The following AKAP19 variants were observed in gnomAD, a reference collection of about 807,000 sequenced individuals.
AKAP19 encodes the protein A-kinase anchoring protein 19, also known as small A-kinase anchoring protein.
the AKAP19 span, among the ~76,000 whole-genome samples, chr2:190,035,064 G>A: frequency 6.6e-6 from 1 of 151,868 alleles, no homozygotes; most frequent in Admixed American, 6.6e-5. Flanking sequence ...GGTTTATTGA[G>A]GTCTCATTTA....
the AKAP19 span, among the ~76,000 whole-genome samples, chr2:190,061,762 G>C: frequency 6.6e-6 from 1 of 150,622 alleles, no homozygotes; most frequent in South Asian, 2.1e-4. Flanking sequence ...TCAAATAACA[G>C]AAATCACTTG....
the AKAP19 span, among the ~76,000 whole-genome samples, chr2:189,932,736 A>G: frequency 6.6e-6 from 1 of 151,462 alleles, no homozygotes; most frequent in African/African-American, 2.4e-5. Context: ...ATCCATTACT[A>G]TCATTAGTTA....
At chr2:189,956,336 A>AT in the AKAP19 span, among the ~76,000 whole-genome samples, 5 of 149,106 alleles carry the variant, frequency 3.4e-5, no homozygotes, top group Admixed American at 6.7e-5. Flanking sequence ...CGCCCGGCTA[A>AT]TTTTTTGTAT....
chr2:190,026,416 A>G, the AKAP19 span, among the ~76,000 whole-genome samples: 1 of 152,310 alleles, frequency 6.6e-6, no homozygotes, highest in Admixed American at 6.5e-5. Flanking sequence ...GAAAACAGAA[A>G]CGATGTTACA....
chr2:190,176,981 CCAATAACCA>C, the AKAP19 span, among the ~76,000 whole-genome samples: 1 of 152,102 alleles, frequency 6.6e-6, no homozygotes, highest in Non-Finnish European at 1.5e-5. The surrounding 1 kb of genome is among the most constrained non-coding windows in gnomAD (Gnocchi z 4.7). Context: ...GCCATGTTTT[CCAATAACCA>C]CTAAAAGATT....
the AKAP19 span, among the ~76,000 whole-genome samples, chr2:190,004,350 G>A: frequency 6.6e-6 from 1 of 152,078 alleles, no homozygotes; most frequent in African/African-American, 2.4e-5. Context: ...AAATATGTCA[G>A]ATATTATCTG....
the AKAP19 span, among the ~76,000 whole-genome samples, chr2:189,956,371 G>A: frequency 8.6e-5 from 13 of 150,498 alleles, no homozygotes; most frequent in African/African-American, 2.7e-4. Context: ...GGGTTTCACC[G>A]TTTTAGCCGG....
chr2:190,004,287 AAC>A, the AKAP19 span, among the ~76,000 whole-genome samples: 83 of 147,634 alleles, frequency 5.6e-4, 1 homozygote, highest in Middle Eastern at 0.019. Context: ...AATAAAAAAA[AAC>A]ATTCTCAGTT....
the AKAP19 span, among the ~76,000 whole-genome samples, chr2:190,074,454 C>T: frequency 6.6e-6 from 1 of 152,028 alleles, no homozygotes. Context: ...AGATCAAGAC[C>T]ATCCTGGCCA....
chr2:190,042,774 C>T, the AKAP19 span, among the ~76,000 whole-genome samples: 1 of 152,164 alleles, frequency 6.6e-6, no homozygotes, highest in African/African-American at 2.4e-5. Context: ...GCTTTACACA[C>T]TGGTCTGTGT....
the AKAP19 span, among the ~76,000 whole-genome samples, chr2:190,199,538 G>GTGAT: frequency 4.1e-4 from 62 of 152,238 alleles, 1 homozygote; most frequent in East Asian, 0.012. Flanking sequence ...TTTTTATTGA[G>GTGAT]TGATTATCTT....
the AKAP19 span, among the ~76,000 whole-genome samples, chr2:189,928,424 G>T: frequency 5.3e-5 from 8 of 151,774 alleles, no homozygotes; most frequent in African/African-American, 1.9e-4. Context: ...AATACTTGAT[G>T]ACATAGACAT....
the AKAP19 span, among the ~76,000 whole-genome samples, chr2:189,902,477 A>G: frequency 6.6e-6 from 1 of 152,048 alleles, no homozygotes; most frequent in African/African-American, 2.4e-5. Context: ...AATTTAAAAG[A>G]CGTTTTAAAT....
At chr2:190,122,079 A>G in the AKAP19 span, among the ~76,000 whole-genome samples, 1 of 152,174 alleles carries the variant, frequency 6.6e-6, no homozygotes, top group East Asian at 1.9e-4. Context: ...CTTAAGGGAG[A>G]AGTAAAAATC....
chr2:190,009,507 A>G, the AKAP19 span, among the ~76,000 whole-genome samples: 2 of 152,240 alleles, frequency 1.3e-5, no homozygotes, highest in Non-Finnish European at 2.9e-5. Context: ...AAGCAACTAG[A>G]AAAAATGGAG....
chr2:190,177,966 G>A, the AKAP19 span, among the ~76,000 whole-genome samples: 7 of 152,040 alleles, frequency 4.6e-5, no homozygotes, highest in South Asian at 8.3e-4. The surrounding 1 kb of genome is among the most constrained non-coding windows in gnomAD (Gnocchi z 4.6). Flanking sequence ...CACTTGCTAC[G>A]GCCCCTCACC....
chr2:190,073,975 GAGGTTAC>G, the AKAP19 span, among the ~76,000 whole-genome samples: 1 of 151,552 alleles, frequency 6.6e-6, no homozygotes, highest in Non-Finnish European at 1.5e-5. Flanking sequence ...CTGGGAGGCG[GAGGTTAC>G]AGTGAGCCGA....
At chr2:190,069,351 T>C in the AKAP19 span, among the ~76,000 whole-genome samples, 2 of 152,188 alleles carry the variant, frequency 1.3e-5, no homozygotes, top group South Asian at 4.1e-4. Context: ...GCTGACAATA[T>C]AGATTGAATT....
the AKAP19 span, among the ~76,000 whole-genome samples, chr2:190,153,072 A>G: frequency 1.3e-5 from 2 of 151,712 alleles, no homozygotes; most frequent in South Asian, 2.1e-4. Context: ...ATTTTTTGTA[A>G]TTTTAGTAGA....
Sources: gnomAD v4.1 joint callset for allele counts (sites outside exome capture counted in the v4.1 genomes callset) on GRCh38, gnomAD v4.1.1 for gene constraint, Gnocchi (gnomAD v3.1) non-coding constraint, MANE v1.5 for transcripts, NCBI Gene and HGNC (gene_info 2026-07-23, HGNC 2026-07-21) for gene names.